The following AKT3 variants were observed in gnomAD, a reference collection of about 807,000 sequenced individuals.
AKT3 encodes RAC-gamma serine/threonine-protein kinase.
Under a neutral mutation model 65.3 loss-of-function variants are expected in AKT3, and 15 were observed. The ratio of observed to expected loss-of-function variants is 0.23; its 90% confidence interval spans 0.15 to 0.35. The LOEUF (loss-of-function observed/expected upper bound fraction) is 0.35. Ranked by LOEUF, AKT3 falls within the 10% of genes least tolerant of loss-of-function variation. The probability of loss-of-function intolerance (pLI) is 1.00; values close to 1 mark genes in which losing one functional copy is unlikely to be tolerated. For synonymous variants in AKT3, 206 were observed against 183.8 expected (o/e 1.12, Z -0.98); for missense variants, 243 against 576.5 (o/e 0.42, Z 5.92).
intron 2 of AKT3, among the ~76,000 whole-genome samples, chr1:243,752,954 T>C (rs1020306447): frequency 2.0e-5 from 3 of 152,194 alleles, no homozygotes; most frequent in Non-Finnish European, 4.4e-5. Flanking sequence ...AAATGGAATT[T>C]TGGCATAGTT....
At chr1:243,542,163 AGT>A (rs1331736983) in intron 12 of AKT3, among the ~76,000 whole-genome samples, 1 of 152,188 alleles carries the variant, frequency 6.6e-6, no homozygotes, top group Admixed American at 6.5e-5. Context: ...AGACTGACAG[AGT>A]GTAAAATTTA....
At chr1:243,769,968 T>C (rs936858801) in intron 2 of AKT3, among the ~76,000 whole-genome samples, 9 of 152,194 alleles carry the variant, frequency 5.9e-5, no homozygotes, top group Non-Finnish European at 2.9e-5. Flanking sequence ...TTAATACACA[T>C]TGCATTAATT....
chr1:243,550,958 CAAAAAAAAAAAAAAAAAAA>C (rs60047036), intron 11 of AKT3, among the ~76,000 whole-genome samples: 1 of 17,544 alleles, frequency 5.7e-5, no homozygotes, highest in African/African-American at 2.0e-4. Flanking sequence ...GACTCCCTCT[CAAAAAAAAAAAAAAAAAAA>C]AAAAAAAAAG....
At chr1:243,709,716 T>C (rs1376469405) in intron 2 of AKT3, among the ~76,000 whole-genome samples, 1 of 152,018 alleles carries the variant, frequency 6.6e-6, no homozygotes, top group Middle Eastern at 3.2e-3. Context: ...GGTCATTTTA[T>C]AAAATTCTTT....
chr1:243,840,493 TCC>T (rs1695174847), intron 2 of AKT3, among the ~76,000 whole-genome samples: 1 of 152,144 alleles, frequency 6.6e-6, no homozygotes, highest in Non-Finnish European at 1.5e-5. Context: ...TGCACATGTA[TCC>T]CAGAACTTAA....
At chr1:243,720,501 A>G (rs1326724681) in intron 2 of AKT3, among the ~76,000 whole-genome samples, 1 of 151,166 alleles carries the variant, frequency 6.6e-6, no homozygotes, top group African/African-American at 2.4e-5. Context: ...AAAGCTAAGT[A>G]TAATATAATC....
intron 2 of AKT3, among the ~76,000 whole-genome samples, chr1:243,771,200 C>T (rs1341409154): frequency 6.6e-6 from 1 of 152,144 alleles, no homozygotes; most frequent in Non-Finnish European, 1.5e-5. Context: ...CCCAGAGTCC[C>T]TCAAATGCAG....
intron 5 of AKT3, among the ~76,000 whole-genome samples, chr1:243,642,333 G>A (rs537211727): frequency 7.3e-4 from 111 of 152,198 alleles, no homozygotes; most frequent in African/African-American, 2.3e-3. Context: ...GTTTTGAGAC[G>A]GAGTCTCGCT....
intron 2 of AKT3, among the ~76,000 whole-genome samples, chr1:243,743,947 A>G (rs1359445280): frequency 5.3e-5 from 8 of 152,244 alleles, no homozygotes; most frequent in Admixed American, 4.6e-4. Context: ...AGCATCTAGC[A>G]GCATCTACAA....
intron 12 of AKT3, among the ~76,000 whole-genome samples, chr1:243,520,571 T>C (rs749335414): frequency 6.6e-6 from 1 of 152,210 alleles, no homozygotes; most frequent in Non-Finnish European, 1.5e-5. Context: ...CATATATATT[T>C]CTGTAAATCT....
chr1:243,543,172 C>T lies in AKT3; in HGVS notation c.1251+2338G>A, dbSNP rs79700358. Among the ~76,000 whole-genome samples, 13 of 152,318 alleles carry T rather than the reference C, an allele frequency of 8.5e-5. No individual in the cohort carries two copies. In the East Asian group the frequency reaches 2.5e-3, roughly 29 times the overall value. On this transcript the variant is annotated intron_variant, in intron 12 of 13. Coordinates refer to ENST00000673466, the MANE Select transcript of AKT3 (RefSeq NM_005465.7). ...TCCATTCCCACATGGTAGCTCCTGG[C>T]TGTCTTACTATCACCTTTACACTGG... is the stretch of plus-strand genomic sequence containing the variant.
chr1:243,753,813 T>G (rs1688958627), intron 2 of AKT3, among the ~76,000 whole-genome samples: 1 of 152,216 alleles, frequency 6.6e-6, no homozygotes, highest in Admixed American at 6.5e-5. Flanking sequence ...TGAGATATTT[T>G]ATGGCAAACC....
intron 8 of AKT3, among the ~76,000 whole-genome samples, chr1:243,581,422 A>G (rs796650732): frequency 2.0e-5 from 3 of 152,334 alleles, no homozygotes; most frequent in African/African-American, 7.2e-5. Flanking sequence ...TTGCAGGTCA[A>G]ATGCCACAGC....
intron 2 of AKT3, among the ~76,000 whole-genome samples, chr1:243,748,525 G>C (rs1164476583): frequency 6.6e-6 from 1 of 151,986 alleles, no homozygotes; most frequent in Non-Finnish European, 1.5e-5. Flanking sequence ...TATAAAACCA[G>C]AACCAATTCA....
chr1:243,746,535 C>A (rs566574286), intron 2 of AKT3, among the ~76,000 whole-genome samples: 5 of 152,198 alleles, frequency 3.3e-5, no homozygotes, highest in African/African-American at 9.6e-5. Flanking sequence ...GGTTATTTGT[C>A]CCCTCACTTT....
At chr1:243,586,674 A>G (rs750834348) in intron 8 of AKT3, among the ~76,000 whole-genome samples, 4 of 152,174 alleles carry the variant, frequency 2.6e-5, no homozygotes, top group Non-Finnish European at 5.9e-5. Flanking sequence ...GAGCTAATCA[A>G]TTGGTACTCA....
At chr1:243,812,468 A>G (rs931374382) in intron 2 of AKT3, among the ~76,000 whole-genome samples, 3 of 152,200 alleles carry the variant, frequency 2.0e-5, no homozygotes, top group Middle Eastern at 3.2e-3. Context: ...CAAAATCACA[A>G]TGTGATACCA....
intron 2 of AKT3, among the ~76,000 whole-genome samples, chr1:243,705,196 A>T (rs983625984): frequency 2.0e-5 from 3 of 152,204 alleles, no homozygotes; most frequent in Admixed American, 2.0e-4. Flanking sequence ...AAAGTCCGAG[A>T]AGCAATATTA....
chr1:243,694,916 G>A (rs566089788), intron 3 of AKT3, among the ~76,000 whole-genome samples: 5 of 151,912 alleles, frequency 3.3e-5, no homozygotes, highest in African/African-American at 4.8e-5. Context: ...TTAACTTAGC[G>A]TAATTTAAAA....
Sources: gnomAD v4.1 joint callset for allele counts (sites outside exome capture counted in the v4.1 genomes callset) on GRCh38, gnomAD v4.1.1 for gene constraint, MANE v1.5 for transcripts, NCBI Gene and HGNC (gene_info 2026-07-23, HGNC 2026-07-21) for gene names.